The following FANCB variants were observed in gnomAD, a reference collection of about 807,000 sequenced individuals.
FANCB encodes the protein FA complementation group B.
In FANCB, 5 loss-of-function variants were observed where a neutral mutation model predicts 38.9. The observed-to-expected ratio is 0.13, with a 90% CI of 0.07 to 0.27. FANCB has a LOEUF of 0.27. Ranked by LOEUF, FANCB falls within the 10% of genes least tolerant of loss-of-function variation. FANCB has a pLI of 1.00. For synonymous variants in FANCB, 236 were observed against 215.4 expected (o/e 1.10, Z -0.84); for missense variants, 573 against 602.7 (o/e 0.95, Z 0.52).
intron 7 of FANCB, among the ~76,000 whole-genome samples, chrX:14,848,044 T>C (rs1459674816): frequency 2.7e-5 from 3 of 111,998 alleles, no homozygotes; most frequent in African/African-American, 9.7e-5. Flanking sequence ...AGAAATTGAA[T>C]CAGTAGTTAA....
chrX:14,857,817 A>T, intron 5 of FANCB, 45 bp downstream of exon 5: 1 of 859,399 alleles, frequency 1.2e-6, no homozygotes, highest in Non-Finnish European at 1.7e-6. Flanking sequence ...TCCTTCATTT[A>T]GAATAACACT....
the FANCB span, among the ~76,000 whole-genome samples, chrX:14,771,179 G>A: frequency 9.0e-6 from 1 of 111,409 alleles, no homozygotes; most frequent in African/African-American, 3.3e-5. Flanking sequence ...ACTGTTGCCT[G>A]TCTTGTTAGG....
chrX:14,867,172 G>T (rs2092473087), intron 2 of FANCB, among the ~76,000 whole-genome samples: 1 of 111,374 alleles, frequency 9.0e-6, no homozygotes, highest in Non-Finnish European at 1.9e-5. Flanking sequence ...GCAATCTATA[G>T]ACTTAGTGCA....
the FANCB span, among the ~76,000 whole-genome samples, chrX:14,804,513 T>G: frequency 9.0e-6 from 1 of 111,113 alleles, no homozygotes; most frequent in African/African-American, 3.3e-5. Context: ...AGGGATAGCA[T>G]TTGGAGATAT....
At chrX:14,733,263 G>C in the FANCB span, among the ~76,000 whole-genome samples, 1 of 111,688 alleles carries the variant, frequency 9.0e-6, no homozygotes, top group Non-Finnish European at 1.9e-5. Flanking sequence ...TGCTGTTATG[G>C]TTACTGTAGC....
chrX:14,750,015 G>A, the FANCB span, among the ~76,000 whole-genome samples: 5 of 111,970 alleles, frequency 4.5e-5, no homozygotes, highest in African/African-American at 1.6e-4. Flanking sequence ...GAGTTTCAAA[G>A]GATAAAATAA....
chrX:14,735,154 C>T, the FANCB span, among the ~76,000 whole-genome samples: 20 of 109,529 alleles, frequency 1.8e-4, no homozygotes, highest in African/African-American at 6.7e-4. Flanking sequence ...AGGCTCTTAG[C>T]TTCCTTGCAT....
intron 3 of FANCB, among the ~76,000 whole-genome samples, chrX:14,863,410 G>C (rs1206511034): frequency 8.9e-6 from 1 of 112,306 alleles, no homozygotes; most frequent in Non-Finnish European, 1.9e-5. Flanking sequence ...TTTCTAACTA[G>C]TAATGATAAT....
the FANCB span, among the ~76,000 whole-genome samples, chrX:14,761,491 G>T: frequency 9.1e-6 from 1 of 110,328 alleles, no homozygotes; most frequent in African/African-American, 3.3e-5. Flanking sequence ...CCAAACAGAA[G>T]GTACAGCATT....
chrX:14,704,245 G>A, the FANCB span, among the ~76,000 whole-genome samples: 2 of 112,468 alleles, frequency 1.8e-5, no homozygotes, highest in Non-Finnish European at 3.8e-5. Flanking sequence ...ATTGCTTTAT[G>A]TCCCTGAAAT....
the FANCB span, among the ~76,000 whole-genome samples, chrX:14,744,179 C>T: frequency 9.0e-6 from 1 of 111,084 alleles, no homozygotes; most frequent in South Asian, 3.8e-4. Flanking sequence ...ATGCAGGTGC[C>T]GGAGTAAAAT....
the FANCB span, among the ~76,000 whole-genome samples, chrX:14,738,383 C>T: frequency 0.21 from 23,733 of 111,121 alleles, 2,338 homozygotes; most frequent in Non-Finnish European, 0.31. Flanking sequence ...GAGGAAGAGA[C>T]CTTCTTACCT....
downstream of FANCB, among the ~76,000 whole-genome samples, chrX:14,833,994 C>CAAACAA (rs2092334403): frequency 4.6e-5 from 5 of 107,806 alleles, no homozygotes; most frequent in South Asian, 2.1e-3. Context: ...GACCCTGTCT[C>CAAACAA]AAACAAAAAC....
the FANCB span, among the ~76,000 whole-genome samples, chrX:14,744,671 C>T: frequency 8.9e-6 from 1 of 111,753 alleles, no homozygotes; most frequent in South Asian, 3.7e-4. Context: ...GAGACCATGC[C>T]AGGAAAATGG....
intron 7 of FANCB, among the ~76,000 whole-genome samples, chrX:14,849,991 T>C (rs1239990405): frequency 8.9e-6 from 1 of 112,393 alleles, no homozygotes; most frequent in Non-Finnish European, 1.9e-5. Flanking sequence ...AAATATCTTA[T>C]TAATAATTTT....
the FANCB span, among the ~76,000 whole-genome samples, chrX:14,737,902 C>T: frequency 8.9e-6 from 1 of 111,740 alleles, no homozygotes; most frequent in South Asian, 3.8e-4. Flanking sequence ...GCTAACATGC[C>T]TCCCAAAGAT....
chrX:14,754,172 G>A, the FANCB span, among the ~76,000 whole-genome samples: 70 of 112,587 alleles, frequency 6.2e-4, no homozygotes, highest in South Asian at 4.4e-3. Context: ...ACAATAGTTC[G>A]CCAGCTGAAC....
At chrX:14,757,184 C>A in the FANCB span, among the ~76,000 whole-genome samples, 1 of 112,283 alleles carries the variant, frequency 8.9e-6, no homozygotes, top group Admixed American at 9.4e-5. Context: ...AAAAATAGAA[C>A]TACCATATGA....
intron 1 of FANCB, among the ~76,000 whole-genome samples, chrX:14,872,402 C>G (rs879114174): frequency 8.9e-6 from 1 of 111,944 alleles, no homozygotes; most frequent in Non-Finnish European, 1.9e-5. Flanking sequence ...TTTTAACTGA[C>G]GAATAAAATT....
Sources: gnomAD v4.1 joint callset for allele counts (sites outside exome capture counted in the v4.1 genomes callset) on GRCh38, gnomAD v4.1.1 for gene constraint, MANE v1.5 for transcripts, NCBI Gene and HGNC (gene_info 2026-07-23, HGNC 2026-07-21) for gene names.